Variants in ZNF91 observed in about 807,000 individuals in gnomAD.
ZNF91 encodes zinc finger protein 91.
Under a neutral mutation model 12.6 loss-of-function variants are expected in ZNF91, and 7 were observed. The observed-to-expected ratio is 0.55, with a 90% CI of 0.31 to 1.04. The LOEUF (loss-of-function observed/expected upper bound fraction) is 1.04. ZNF91 is among the 50% of genes least tolerant of loss of function. The probability of loss-of-function intolerance (pLI) is 0.05; values close to 1 mark genes in which losing one functional copy is unlikely to be tolerated. For synonymous variants in ZNF91, 453 were observed against 462.6 expected (o/e 0.98, Z 0.27); for missense variants, 1,217 against 1,385.4 (o/e 0.88, Z 1.93).
chr19:23,317,106 C>T (rs576585408), intron 1 of ZNF91, among the ~76,000 whole-genome samples: 47 of 151,648 alleles, frequency 3.1e-4, no homozygotes, highest in African/African-American at 1.1e-3. Flanking sequence ...AGTGCAGTGG[C>T]GCGATCTTGG....
chr19:23,358,356 A>G lies in ZNF91; in HGVS notation c.*1047T>C, dbSNP rs1968551502. Reference sequence around the variant, plus strand: ...GAACATCTACCTCATGCATCACTCGATATTATAAGTTAACCATAAAGATCC... The same window carrying G: ...GAACATCTACCTCATGCATCACTCGGTATTATAAGTTAACCATAAAGATCC... On this transcript the variant is annotated 3_prime_UTR_variant, in exon 4 of 4. Coordinates refer to ENST00000300619, the MANE Select transcript of ZNF91 (RefSeq NM_003430.4). The G allele has an allele frequency of 6.6e-6, 1 of 152,192 alleles. No homozygotes were observed. The highest frequency in any genetic ancestry group is 2.1e-4 in the South Asian group (1 of 4,830). 9.4% of individuals were successfully genotyped at this position (152,192 alleles called of 1,614,324 possible). A position where few individuals can be genotyped will look rare whatever the true frequency, so the allele number is the denominator to read the frequency against.
intron 1 of ZNF91, among the ~76,000 whole-genome samples, chr19:23,316,622 G>A (rs1258517081): frequency 6.6e-6 from 1 of 152,126 alleles, no homozygotes; most frequent in African/African-American, 2.4e-5. Flanking sequence ...CCTACCCACA[G>A]GTAAGACTGT....
At chr19:23,326,340 G>A (rs1042046509) in intron 1 of ZNF91, 7 of 152,060 alleles carry the variant, frequency 4.6e-5, no homozygotes, top group Non-Finnish European at 8.8e-5. Flanking sequence ...TATTTTACTT[G>A]TTTGAGAGGT....
chr19:23,378,754 A>G (rs73565050), intron 1 of ZNF91, among the ~76,000 whole-genome samples: 119 of 152,356 alleles, frequency 7.8e-4, no homozygotes, highest in African/African-American at 2.7e-3. Flanking sequence ...TATTTATTGT[A>G]CCCAACCTTT....
chr19:23,330,050 C>T (rs1967900366), intron 1 of ZNF91, among the ~76,000 whole-genome samples: 1 of 152,158 alleles, frequency 6.6e-6, no homozygotes, highest in Non-Finnish European at 1.5e-5. Context: ...TACTGGGACT[C>T]GCGGCCAGGC....
chr19:23,364,183 G>A (rs866282274), intron 3 of ZNF91, among the ~76,000 whole-genome samples: 6 of 152,302 alleles, frequency 3.9e-5, no homozygotes, highest in Middle Eastern at 3.4e-3. Flanking sequence ...GCCAGGTGTG[G>A]TGACACATGC....
Position 23,362,358 on chromosome 19 carries a change from C to G in ZNF91, c.621G>C (p.Glu207Asp). 1 of 1,613,484 alleles carries G rather than the reference C, an allele frequency of 6.2e-7. No individual in the cohort carries two copies. Among genetic ancestry groups the G allele is most frequent in the African/African-American group, 1.3e-5 (1 of 74,974 alleles). ...CACATTCTTTACATTTACAGGACTT[C>G]TCTGTAATATAAACGCATTTATGTT... ...KTQHKCVYIT[E>D]KSCKCKECEK... is the part of the protein sequence containing the mutation. The change falls in exon 4 of 4, where the codon GAG (glutamate) becomes GAC (aspartate). Residue 207 changes from glutamate (E) to aspartate (D), a missense_variant. Glu to Asp is a conservative substitution (Grantham distance 45, BLOSUM62 2). Around this residue, in one of 2 missense-constraint regions of ZNF91, gnomAD observed 726 missense variants for 895.5 expected, o/e 0.81. Coordinates refer to ENST00000300619, the MANE Select transcript of ZNF91 (RefSeq NM_003430.4).
rs1338550993 is a variant in ZNF91 at position 23,360,519 on chromosome 19, A to G, written c.2460T>C (p.His820=). 15 of 1,613,670 alleles carry G rather than the reference A, an allele frequency of 9.3e-6. No homozygotes were observed. The African/African-American group carries it at 1.3e-4, about 14-fold the overall frequency. The change falls in exon 4 of 4, where the codon CAT becomes CAC. Residue 820 remains histidine, a synonymous_variant. Transcript: ENST00000300619. ...SSTLTKHKTI[H]TGEKPYKCKE... is the part of the protein sequence containing the mutation. Reference sequence around the variant, plus strand: ...TACATTTGTAGGGTTTCTCTCCAGTATGAATTGTCTTATGCTTAGTAAGGG... The same window carrying G: ...TACATTTGTAGGGTTTCTCTCCAGTGTGAATTGTCTTATGCTTAGTAAGGG...
At chr19:23,385,496 A>C (rs1969841860) in intron 1 of ZNF91, among the ~76,000 whole-genome samples, 2 of 152,252 alleles carry the variant, frequency 1.3e-5, no homozygotes, top group South Asian at 4.1e-4. Flanking sequence ...CTGTCTTGGC[A>C]AAACGAGGAA....
intron 1 of ZNF91, among the ~76,000 whole-genome samples, chr19:23,392,177 C>G (rs1318609308): frequency 6.6e-6 from 1 of 151,904 alleles, no homozygotes; most frequent in Non-Finnish European, 1.5e-5. Flanking sequence ...GGGTGGATCA[C>G]CTGAGGTCAG....
At chr19:23,384,375 C>T (rs995668045) in intron 1 of ZNF91, among the ~76,000 whole-genome samples, 1 of 152,156 alleles carries the variant, frequency 6.6e-6, no homozygotes, top group South Asian at 2.1e-4. Context: ...TCACCGCCCA[C>T]CACGCCGGAA....
chr19:23,324,743 A>C (rs913156475), intron 1 of ZNF91: 1 of 151,918 alleles, frequency 6.6e-6, no homozygotes, highest in African/African-American at 2.4e-5. Flanking sequence ...ACACCTGACT[A>C]AATTCTTTTT....
chr19:23,314,601 A>C (rs1599679940), upstream of ZNF91, among the ~76,000 whole-genome samples: 1 of 151,992 alleles, frequency 6.6e-6, no homozygotes, highest in African/African-American at 2.4e-5. Flanking sequence ...CTGCTCACTG[A>C]GGTTGTAACT....
intron 1 of ZNF91, chr19:23,328,805 AT>A (rs1180944436): frequency 6.6e-6 from 1 of 152,176 alleles, no homozygotes; most frequent in East Asian, 1.9e-4. Context: ...AGGCTTGCTG[AT>A]TGGATGGTGT....
chr19:23,356,464 T>C (rs886109394), downstream of ZNF91, among the ~76,000 whole-genome samples: 13 of 152,254 alleles, frequency 8.5e-5, no homozygotes, highest in South Asian at 2.1e-4. Context: ...CTGGATGAGA[T>C]TGGAGACTAT....
Position 23,359,131 on chromosome 19 carries a change from G to T in ZNF91, c.*272C>A. 1 of 546,572 alleles carries T rather than the reference G, an allele frequency of 1.8e-6. No individual in the cohort carries two copies. Among genetic ancestry groups the T allele is most frequent in the South Asian group, 1.7e-5 (1 of 59,744 alleles). 33.9% of individuals were successfully genotyped at this position (546,572 alleles called of 1,614,324 possible). On this transcript the variant is annotated 3_prime_UTR_variant, in exon 4 of 4. Coordinates refer to ENST00000300619, the MANE Select transcript of ZNF91 (RefSeq NM_003430.4). ...TTCACATTTGTAGAGTTTTACTCCA[G>T]TATGAATTACCTTATGTTTAGTAAA...
At chr19:23,381,744 G>A (rs1460335973) in intron 1 of ZNF91, among the ~76,000 whole-genome samples, 12 of 152,222 alleles carry the variant, frequency 7.9e-5, no homozygotes, top group Admixed American at 1.3e-4. Context: ...ACCAGCATGA[G>A]CCACCGCGCC....
intron 1 of ZNF91, among the ~76,000 whole-genome samples, chr19:23,332,156 C>T (rs1224784531): frequency 6.6e-6 from 1 of 152,228 alleles, no homozygotes; most frequent in African/African-American, 2.4e-5. Flanking sequence ...TGTTTCTCTT[C>T]TACCTGTGCT....
intron 1 of ZNF91, chr19:23,326,333 T>G (rs923037861): frequency 1.3e-5 from 2 of 152,168 alleles, no homozygotes; most frequent in African/African-American, 4.8e-5. Context: ...ATTTATTTAT[T>G]TTACTTGTTT....
Sources: gnomAD v4.1 joint callset for allele counts (sites outside exome capture counted in the v4.1 genomes callset) on GRCh38, gnomAD v4.1.1 for gene constraint, gnomAD v4.1.1 regional missense constraint, MANE v1.5 for transcripts, NCBI Gene and HGNC (gene_info 2026-07-23, HGNC 2026-07-21) for gene names.